Variants in KLRG1 observed in about 807,000 individuals in gnomAD.
The protein encoded by KLRG1 is killer cell lectin-like receptor subfamily G member 1.
A neutral mutation model predicts 21.8 loss-of-function variants in KLRG1; 16 were observed. The observed-to-expected ratio is 0.73, with a 90% CI of 0.50 to 1.11. KLRG1 has a LOEUF of 1.11. Ranked by LOEUF, KLRG1 falls within the 50% of genes most tolerant of loss-of-function variation. KLRG1 has a pLI of 0.00. For missense variants in KLRG1, 173 were observed against 218.3 expected, an observed-to-expected ratio of 0.79 and a Z score of 1.31; for synonymous variants, 69 against 75.9, an observed-to-expected ratio of 0.91 and a Z score of 0.47.
intron 1 of KLRG1, among the ~76,000 whole-genome samples, chr12:8,951,940 G>A (rs1383335436): frequency 2.0e-5 from 3 of 152,294 alleles, no homozygotes; most frequent in Non-Finnish European, 2.9e-5. Context: ...TTTCCGACCA[G>A]AGGCAAACAA....
the KLRG1 span, chr12:9,166,226 G>C: frequency 6.2e-7 from 1 of 1,604,368 alleles, no homozygotes; most frequent in South Asian, 1.1e-5. Flanking sequence ...AAATTGTCTA[G>C]TTAGGGAAAA....
the KLRG1 span, chr12:9,149,023 T>C: frequency 6.2e-7 from 1 of 1,602,404 alleles, no homozygotes; most frequent in Non-Finnish European, 8.5e-7. Flanking sequence ...CGTAAGGAGG[T>C]TGTATCATTT....
At chr12:9,192,884 A>G in the KLRG1 span, 1 of 555,146 alleles carries the variant, frequency 1.8e-6, no homozygotes, top group South Asian at 3.0e-5. Context: ...CAAATAAATG[A>G]ATTTTCAGTC....
the KLRG1 span, chr12:9,077,461 A>G: frequency 1.3e-6 from 2 of 1,572,452 alleles, no homozygotes; most frequent in Non-Finnish European, 1.7e-6. Context: ...TCAACTTCTG[A>G]GAATGCTATT....
chr12:9,103,683 C>T, the KLRG1 span, among the ~76,000 whole-genome samples: 9 of 152,190 alleles, frequency 5.9e-5, no homozygotes, highest in African/African-American at 2.2e-4. Context: ...TTGTGACTAG[C>T]TTATTTCACT....
At chr12:9,017,130 G>T in the KLRG1 span, among the ~76,000 whole-genome samples, 1 of 151,572 alleles carries the variant, frequency 6.6e-6, no homozygotes, top group Non-Finnish European at 1.5e-5. Context: ...CAGGCGTGGT[G>T]GTGGGCATCT....
intron 1 of KLRG1, among the ~76,000 whole-genome samples, chr12:8,976,673 T>C (rs1419816927): frequency 6.6e-6 from 1 of 152,248 alleles, no homozygotes; most frequent in African/African-American, 2.4e-5. Context: ...GTAATTGTTA[T>C]GTATTCCTAT....
the KLRG1 span, among the ~76,000 whole-genome samples, chr12:9,117,029 A>G: frequency 6.6e-5 from 10 of 152,326 alleles, no homozygotes; most frequent in African/African-American, 2.4e-4. Flanking sequence ...ATTTTGAGGG[A>G]AAGCAAAATG....
chr12:9,053,967 AC>A, the KLRG1 span, among the ~76,000 whole-genome samples: 1 of 152,012 alleles, frequency 6.6e-6, no homozygotes, highest in African/African-American at 2.4e-5. Flanking sequence ...CCAGCTCCTC[AC>A]CCTCCATGAT....
At chr12:9,189,881 C>A in the KLRG1 span, among the ~76,000 whole-genome samples, 1 of 151,740 alleles carries the variant, frequency 6.6e-6, no homozygotes, top group Non-Finnish European at 1.5e-5. Context: ...GCCAACAAGC[C>A]AATGAAAAAA....
the KLRG1 span, among the ~76,000 whole-genome samples, chr12:9,061,816 T>G: frequency 1.3e-5 from 2 of 152,144 alleles, no homozygotes; most frequent in East Asian, 1.9e-4. Context: ...AAGAACTTAA[T>G]GAAGAGAATT....
chr12:9,091,867 C>T, the KLRG1 span, among the ~76,000 whole-genome samples: 143 of 152,282 alleles, frequency 9.4e-4, no homozygotes, highest in African/African-American at 3.3e-3. Context: ...TCCTTATGCC[C>T]ATTTTCTGGA....
chr12:8,976,759 T>A (rs1385673978), intron 1 of KLRG1, among the ~76,000 whole-genome samples: 3 of 152,188 alleles, frequency 2.0e-5, no homozygotes, highest in Non-Finnish European at 4.4e-5. Context: ...TTACTTTTTT[T>A]TTTGAGACAG....
chr12:9,106,922 T>C, the KLRG1 span, among the ~76,000 whole-genome samples: 1 of 152,324 alleles, frequency 6.6e-6, no homozygotes, highest in Non-Finnish European at 1.5e-5. Context: ...ACACGAGATA[T>C]TTTGTTACAT....
chr12:9,029,118 A>G, the KLRG1 span: 6 of 386,790 alleles, frequency 1.6e-5, no homozygotes, highest in African/African-American at 1.2e-4. Flanking sequence ...GATTTTAATG[A>G]TGCTTCCTCG....
chr12:9,194,657 G>T, the KLRG1 span, among the ~76,000 whole-genome samples: 2 of 151,882 alleles, frequency 1.3e-5, no homozygotes, highest in Admixed American at 1.3e-4. Flanking sequence ...GTAGAGACGG[G>T]GTTTCACCAT....
the KLRG1 span, among the ~76,000 whole-genome samples, chr12:9,173,444 G>C: frequency 1.3e-5 from 2 of 151,974 alleles, no homozygotes; most frequent in Non-Finnish European, 2.9e-5. Flanking sequence ...AAACCCCAAA[G>C]CTAGCAGAAG....
chr12:9,127,910 GGACAA>G, the KLRG1 span: 2 of 341,262 alleles, frequency 5.9e-6, no homozygotes, highest in South Asian at 5.3e-5. Flanking sequence ...AAGACCTGCG[GGACAA>G]GATTCTTGGT....
chr12:9,160,566 T>TTG, the KLRG1 span: 3 of 1,307,144 alleles, frequency 2.3e-6, no homozygotes, highest in Admixed American at 6.4e-5. Context: ...AAAATGGCCT[T>TTG]TATATTCAGA....
Sources: allele counts gnomAD v4.1 joint callset (sites outside exome capture counted in the v4.1 genomes callset), GRCh38; gene constraint gnomAD v4.1.1; transcripts MANE v1.5; gene names NCBI Gene and HGNC (gene_info 2026-07-23, HGNC 2026-07-21).